Variants in NRG3 observed in about 807,000 individuals in gnomAD.
NRG3 encodes neuregulin 3, also known as pro-neuregulin-3, membrane-bound isoform.
Under a neutral mutation model 66.9 loss-of-function variants are expected in NRG3, and 31 were observed. That is an observed-to-expected ratio of 0.46 (90% CI 0.35 to 0.63). The LOEUF (loss-of-function observed/expected upper bound fraction) is 0.63, where lower values mean the gene tolerates loss of function less well. Ranked by LOEUF, NRG3 falls within the 20% of genes least tolerant of loss-of-function variation. NRG3 has a pLI of 0.00. For synonymous variants in NRG3, 393 were observed against 359.4 expected (o/e 1.09, Z -1.06); for missense variants, 910 against 878.9 (o/e 1.04, Z -0.45).
At chr10:82,955,436 G>C (rs1849950190) in intron 5 of NRG3, among the ~76,000 whole-genome samples, 1 of 151,914 alleles carries the variant, frequency 6.6e-6, no homozygotes, top group African/African-American at 2.4e-5. Flanking sequence ...CGCAATGACT[G>C]TAAATTATTC....
At chr10:82,760,711 AAACTAAAG>A (rs2059268681) in intron 3 of NRG3, among the ~76,000 whole-genome samples, 1 of 152,060 alleles carries the variant, frequency 6.6e-6, no homozygotes, top group South Asian at 2.1e-4. Context: ...ATAGCTACCA[AAACTAAAG>A]AACTAATAAA....
chr10:82,687,992 C>T (rs539815998), intron 2 of NRG3, among the ~76,000 whole-genome samples: 4 of 152,172 alleles, frequency 2.6e-5, no homozygotes, highest in Non-Finnish European at 5.9e-5. Context: ...CTGCCAGGCA[C>T]CTCACATTTC....
intron 1 of NRG3, among the ~76,000 whole-genome samples, chr10:82,196,006 G>T (rs568734842): frequency 2.0e-4 from 30 of 152,308 alleles, no homozygotes; most frequent in African/African-American, 7.2e-4. Context: ...TGACCTGCAG[G>T]ACTGCTTTTT....
intron 4 of NRG3, among the ~76,000 whole-genome samples, chr10:82,872,193 G>A (rs1032161940): frequency 1.2e-4 from 18 of 152,100 alleles, no homozygotes; most frequent in African/African-American, 3.6e-4. Context: ...GTCTCTTGAT[G>A]TGATGGATTA....
chr10:82,030,944 A>G (rs961397669), intron 1 of NRG3, among the ~76,000 whole-genome samples: 2 of 152,280 alleles, frequency 1.3e-5, no homozygotes, highest in Admixed American at 6.5e-5. Context: ...GGTAGAAATA[A>G]TTATTGGAAT....
At chr10:82,448,969 A>G (rs1368499520) in intron 2 of NRG3, among the ~76,000 whole-genome samples, 2 of 152,198 alleles carry the variant, frequency 1.3e-5, no homozygotes, top group South Asian at 2.1e-4. Context: ...CTCAAGAGTA[A>G]CATAACTCCT....
At chr10:82,095,544 G>A (rs1310298450) in intron 1 of NRG3, among the ~76,000 whole-genome samples, 1 of 152,108 alleles carries the variant, frequency 6.6e-6, no homozygotes, top group Non-Finnish European at 1.5e-5. Flanking sequence ...TTCCTGGCCC[G>A]ATTGCTCAAG....
chr10:82,850,893 A>G (rs2063530405), intron 3 of NRG3, among the ~76,000 whole-genome samples: 1 of 152,192 alleles, frequency 6.6e-6, no homozygotes, highest in Non-Finnish European at 1.5e-5. Context: ...TGGATGTGTG[A>G]TAACTGGCCA....
At chr10:82,047,331 T>C (rs2063348285) in intron 1 of NRG3, among the ~76,000 whole-genome samples, 1 of 151,720 alleles carries the variant, frequency 6.6e-6, no homozygotes, top group Non-Finnish European at 1.5e-5. Flanking sequence ...AAGGAGAAAA[T>C]GTTAAGGGCA....
intron 3 of NRG3, among the ~76,000 whole-genome samples, chr10:82,846,845 A>T (rs756499663): frequency 2.6e-5 from 4 of 152,234 alleles, no homozygotes; most frequent in African/African-American, 4.8e-5. Context: ...ACCACATAGA[A>T]TATACAAAAT....
At chr10:81,973,982 C>T (rs909375337) in intron 1 of NRG3, among the ~76,000 whole-genome samples, 52 of 152,040 alleles carry the variant, frequency 3.4e-4, no homozygotes, top group Non-Finnish European at 1.3e-4. Flanking sequence ...AATTTTTGTC[C>T]ATGCCTGTGT....
chr10:82,123,803 C>A (rs2068249241), intron 1 of NRG3, among the ~76,000 whole-genome samples: 1 of 149,754 alleles, frequency 6.7e-6, no homozygotes. Context: ...GGTATAAATG[C>A]CTGGTCCCAC....
intron 2 of NRG3, among the ~76,000 whole-genome samples, chr10:82,634,033 A>G (rs1349161055): frequency 6.6e-6 from 1 of 152,204 alleles, no homozygotes; most frequent in African/African-American, 2.4e-5. Flanking sequence ...ACTTGGGCAT[A>G]TAGAGATTAT....
chr10:81,963,701 A>G (rs7902158), intron 1 of NRG3, among the ~76,000 whole-genome samples: 72,136 of 152,060 alleles, frequency 0.47, 21,651 homozygotes, highest in African/African-American at 0.82. Context: ...GTCCACTTTC[A>G]TGATGCAGTG....
rs570966430 is a variant in NRG3, at chr10:82,161,812, C to T, written c.824-196927C>T. On this transcript the variant is annotated intron_variant, in intron 1 of 8. Coordinates refer to ENST00000372141, the MANE Select transcript of NRG3 (RefSeq NM_001010848.4). ...TTACCCCTATTTGACAGATGGAGAT[C>T]CTGGATTGCTCTAAGTTTAAGCAAA... Among the ~76,000 whole-genome samples, 136 of 152,210 alleles carry T rather than the reference C, an allele frequency of 8.9e-4. 1 individual carries two copies. The South Asian group carries it at 0.019, about 22-fold the overall frequency.
In NRG3 at chr10:81,931,191, A is replaced by C. The variant is rs188300066; in HGVS notation, c.823+55028A>C. ...ACTTTTCTGGAGGTCAGGCTGGTTC[A>C]GAGCTTTAACTCTCTAATTACATGT... On this transcript the variant is annotated intron_variant, in intron 1 of 8. Transcript: ENST00000372141. Among the ~76,000 whole-genome samples the C allele has an allele frequency of 3.0e-3, 462 of 152,292 alleles. 3 individuals carry two copies. Among genetic ancestry groups the C allele is most frequent in the African/African-American group, 0.01 (431 of 41,568 alleles).
At chr10:82,333,138 A>T (rs2082218843) in intron 1 of NRG3, among the ~76,000 whole-genome samples, 1 of 152,180 alleles carries the variant, frequency 6.6e-6, no homozygotes, top group Non-Finnish European at 1.5e-5. Flanking sequence ...ATCAAGATCT[A>T]CCCCTGTCTT....
intron 1 of NRG3, among the ~76,000 whole-genome samples, chr10:81,895,904 G>A (rs187835918): frequency 4.6e-5 from 7 of 152,226 alleles, no homozygotes; most frequent in African/African-American, 1.7e-4. Flanking sequence ...TGGAAGCCGA[G>A]GAGTGTTTAG....
intron 1 of NRG3, among the ~76,000 whole-genome samples, chr10:81,932,176 G>GGA (rs368832355): frequency 2.0e-5 from 3 of 149,504 alleles, no homozygotes; most frequent in East Asian, 2.0e-4. Flanking sequence ...TTGAGAGAGA[G>GGA]GAGAGAGAGA....
Sources: allele counts gnomAD v4.1 joint callset (sites outside exome capture counted in the v4.1 genomes callset), GRCh38; gene constraint gnomAD v4.1.1; transcripts MANE v1.5; gene names NCBI Gene and HGNC (gene_info 2026-07-23, HGNC 2026-07-21).